NUP93: variants seen among roughly 807,000 people sequenced by gnomAD.
NUP93 encodes nuclear pore complex protein Nup93.
A neutral mutation model predicts 107.8 loss-of-function variants in NUP93; 55 were observed. That is an observed-to-expected ratio of 0.51 (90% confidence interval 0.41 to 0.64). NUP93 has a LOEUF of 0.64. Among genes scored for constraint, NUP93 ranks in the 30% least tolerant of loss-of-function variants. The pLI, the probability that NUP93 is intolerant of heterozygous loss-of-function variation, is 0.00. For missense variants in NUP93, 937 were observed against 1,044.7 expected, an observed-to-expected ratio of 0.90 and a Z score of 1.42; for synonymous variants, 390 against 397.5, an observed-to-expected ratio of 0.98 and a Z score of 0.22.
At position 56,831,851 on chromosome 16, in the gene NUP93, A is replaced by G; in HGVS notation, c.1095A>G (p.Pro365=). The G allele has an allele frequency of 6.2e-7, 1 of 1,613,972 alleles. No individual in the cohort carries two copies. Among genetic ancestry groups the G allele is most frequent in the Non-Finnish European group, 8.5e-7 (1 of 1,179,958 alleles). The change falls in exon 11 of 22, where the codon CCA becomes CCG. Residue 365 remains proline, a synonymous_variant. Coordinates refer to ENST00000308159, the MANE Select transcript of NUP93 (RefSeq NM_014669.5). ...TCCCTTATGTCTGTAGATTGTCCCCAGCTACGGAAAACAAGCTCCGGCTGC... is the reference window on the plus strand; with the variant it reads ...TCCCTTATGTCTGTAGATTGTCCCCGGCTACGGAAAACAAGCTCCGGCTGC... The part of the protein sequence containing the change: ...YMNSKDRRLS[P]ATENKLRLHY...
intron 8 of NUP93, among the ~76,000 whole-genome samples, chr16:56,828,501 G>GT (rs1297805482): frequency 6.6e-6 from 1 of 152,142 alleles, no homozygotes; most frequent in Non-Finnish European, 1.5e-5. Context: ...TTTTCAAGGG[G>GT]TTTGAGGGGA....
chr16:56,834,254 G>T lies in NUP93; in HGVS notation c.1664G>T (p.Arg555Met). ...REALQYFYFL[R>M]DEKDSQGENM... ...GCCCTCCAGTACTTCTATTTCCTCA[G>T]GTAACATTTGCTTTTGACCATTTAC... is the stretch of plus-strand genomic sequence containing the variant. The change falls in exon 14 of 22, where the codon AGG becomes ATG. Residue 555 changes from arginine to methionine, a missense_variant and splice_region_variant. Coordinates refer to ENST00000308159, the MANE Select transcript of NUP93 (RefSeq NM_014669.5). 6.2e-7 allele frequency: 1 copy of T among 1,613,954 alleles called. No individual in the cohort carries two copies. The highest frequency in any genetic ancestry group is 8.5e-7 in the Non-Finnish European group (1 of 1,179,860).
intron 3 of NUP93, among the ~76,000 whole-genome samples, chr16:56,795,206 C>T (rs1453988810): frequency 6.6e-6 from 1 of 152,148 alleles, no homozygotes; most frequent in Non-Finnish European, 1.5e-5. Flanking sequence ...GAATCCATGC[C>T]TACTCATTGT....
chr16:56,768,574 AT>A (rs1172807737), intron 3 of NUP93, among the ~76,000 whole-genome samples: 19 of 133,860 alleles, frequency 1.4e-4, no homozygotes, highest in South Asian at 2.4e-4. Flanking sequence ...AAAAAAAAAA[AT>A]TTTTTTTTTT....
chr16:56,805,725 C>A lies in NUP93; in HGVS notation c.489+93C>A, dbSNP rs149966688. The A allele has an allele frequency of 4.7e-4, 632 of 1,350,732 alleles. 5 individuals are homozygous for A. In the African/African-American group the frequency reaches 8.0e-3, roughly 17 times the overall value. 83.7% of individuals were successfully genotyped at this position (1,350,732 alleles called of 1,614,324 possible). A position where few individuals can be genotyped will look rare whatever the true frequency, so the allele number is the denominator to read the frequency against. On this transcript the variant is annotated intron_variant, in intron 5 of 21. Transcript: ENST00000308159. The stretch of plus-strand genomic sequence containing the variant: ...GACTAGTATTTTTGGCACAGTGGAT[C>A]ACTGTCTTCCCCTTGAAACACTTTC...
rs1961506669 is a variant in NUP93, at chr16:56,730,154, A to G, written c.-72A>G. 6.6e-6 allele frequency: 1 copy of G among 152,286 alleles called. No homozygotes were observed. Among genetic ancestry groups the G allele is most frequent in the East Asian group, 1.9e-4 (1 of 5,174 alleles). The allele number at this position is 152,286 out of a possible 1,614,324, so 9.4% of individuals were successfully genotyped here. A position where few individuals can be genotyped will look rare whatever the true frequency, so the allele number is the denominator to read the frequency against. On this transcript the variant is annotated 5_prime_UTR_variant, in exon 1 of 22. Transcript: ENST00000308159. ...AGGAAGCGGGGGAGAGCGGCGCGAG[A>G]AGCGGCGGCCGCGTCCTCAAGCCGG...
chr16:56,798,414 C>A (rs1242584738), intron 3 of NUP93, 62 bp from the exon 4 acceptor site: 7 of 1,369,918 alleles, frequency 5.1e-6, no homozygotes, highest in Non-Finnish European at 7.3e-6. Flanking sequence ...GTTTGCCCTG[C>A]AGTATACTTT....
chr16:56,844,671 C>T lies in NUP93; in HGVS notation c.*62C>T, dbSNP rs2144656653. On this transcript the variant is annotated 3_prime_UTR_variant, in exon 22 of 22. Coordinates refer to ENST00000308159, the MANE Select transcript of NUP93 (RefSeq NM_014669.5). ...TCAGTACATCAGGCACATGGGCCCA[C>T]TAGGCTGGGGTTTCTGGTTTTGTTT... 9.8e-7 allele frequency: 1 copy of T among 1,023,282 alleles called. No individual in the cohort carries two copies. The highest frequency in any genetic ancestry group is 2.8e-5 in the East Asian group (1 of 35,710). The allele number at this position is 1,023,282 out of a possible 1,614,324, so 63.4% of individuals were successfully genotyped here.
At chr16:56,756,946 G>C (rs947163300) in intron 2 of NUP93, among the ~76,000 whole-genome samples, 2 of 152,034 alleles carry the variant, frequency 1.3e-5, no homozygotes, top group Non-Finnish European at 2.9e-5. Context: ...GTCTTCTTTT[G>C]AGAAGGGAGA....
chr16:56,758,019 C>T (rs1315198519), intron 2 of NUP93, among the ~76,000 whole-genome samples: 3 of 151,742 alleles, frequency 2.0e-5, no homozygotes, highest in Non-Finnish European at 4.4e-5. Context: ...TACAGTGAGC[C>T]GAGATCATGC....
intron 2 of NUP93, among the ~76,000 whole-genome samples, chr16:56,756,005 T>C (rs556346084): frequency 6.6e-6 from 1 of 152,124 alleles, no homozygotes; most frequent in South Asian, 2.1e-4. Flanking sequence ...AGCCCAGGAG[T>C]TTGAGTCCAA....
At chr16:56,785,670 CTG>C (rs1962610818) in intron 3 of NUP93, among the ~76,000 whole-genome samples, 1 of 152,172 alleles carries the variant, frequency 6.6e-6, no homozygotes, top group Non-Finnish European at 1.5e-5. Context: ...ACCAGGAACA[CTG>C]TGATAAGGGG....
intron 21 of NUP93, among the ~76,000 whole-genome samples, chr16:56,843,356 G>T (rs1353825631): frequency 6.6e-6 from 1 of 152,220 alleles, no homozygotes; most frequent in Non-Finnish European, 1.5e-5. Flanking sequence ...CTTGCCCACT[G>T]AGAAGAGCTG....
chr16:56,793,666 A>G (rs1482367698), intron 3 of NUP93, among the ~76,000 whole-genome samples: 3 of 152,146 alleles, frequency 2.0e-5, no homozygotes, highest in Admixed American at 6.5e-5. Flanking sequence ...TGAGGCAGCT[A>G]TGGTTCTGCC....
At chr16:56,813,571 T>G (rs1567401497) in intron 5 of NUP93, among the ~76,000 whole-genome samples, 1 of 152,188 alleles carries the variant, frequency 6.6e-6, no homozygotes, top group Non-Finnish European at 1.5e-5. Context: ...TGTCTGATCT[T>G]GTGCGCTTTT....
intron 6 of NUP93, among the ~76,000 whole-genome samples, chr16:56,820,189 C>G (rs749528644): frequency 2.0e-5 from 3 of 152,230 alleles, no homozygotes; most frequent in Non-Finnish European, 4.4e-5. Flanking sequence ...CACGGCTGTC[C>G]TCTCCACTAA....
At chr16:56,834,962 T>C (rs1327676971) in intron 16 of NUP93, among the ~76,000 whole-genome samples, 184 bp downstream of exon 16, 1 of 152,246 alleles carries the variant, frequency 6.6e-6, no homozygotes, top group African/African-American at 2.4e-5. Flanking sequence ...CACACACTTA[T>C]ATCTCCTTAA....
chr16:56,818,766 C>T, intron 6 of NUP93, 28 bp downstream of exon 6: 1 of 1,591,022 alleles, frequency 6.3e-7, no homozygotes, highest in Non-Finnish European at 8.6e-7. Flanking sequence ...GGGGATTAAG[C>T]CAGGAAAATC....
At chr16:56,808,067 A>G (rs1160188242) in intron 5 of NUP93, among the ~76,000 whole-genome samples, 9 of 142,076 alleles carry the variant, frequency 6.3e-5, no homozygotes, top group African/African-American at 2.1e-4. Flanking sequence ...ATATATAAAT[A>G]TATATAAATA....
Sources: gnomAD v4.1 joint callset for allele counts (sites outside exome capture counted in the v4.1 genomes callset) on GRCh38, gnomAD v4.1.1 for gene constraint, MANE v1.5 for transcripts, NCBI Gene and HGNC (gene_info 2026-07-23, HGNC 2026-07-21) for gene names.